Variants in NRG1 observed in about 807,000 individuals in gnomAD.
NRG1 encodes neuregulin 1.
A neutral mutation model predicts 63.8 loss-of-function variants in NRG1; 18 were observed. The ratio of observed to expected loss-of-function variants is 0.28; its 90% CI spans 0.19 to 0.42. The LOEUF (loss-of-function observed/expected upper bound fraction) is 0.42. NRG1 is among the 10% of genes least tolerant of loss of function. NRG1 has a pLI of 1.00. For synonymous variants in NRG1, 302 were observed against 301.3 expected (o/e 1.00, Z -0.02); for missense variants, 762 against 814.7 (o/e 0.94, Z 0.79).
At chr8:32,764,073 G>A (rs371549708) in exon 12 of NRG1, 14 of 1,613,922 alleles carry the variant, frequency 8.7e-6, no homozygotes, top group African/African-American at 1.3e-5. Context: ...CCAAGAGTAC[G>A]AGCCAGCCCA....
intron 1 of NRG1, among the ~76,000 whole-genome samples, chr8:32,161,986 T>C (rs1045651228): frequency 1.3e-5 from 2 of 152,168 alleles, no homozygotes; most frequent in Non-Finnish European, 2.9e-5. Context: ...GAAGAGGAAA[T>C]AGATTTGATG....
chr8:31,900,763 G>C (rs1488129440), intron 1 of NRG1, among the ~76,000 whole-genome samples: 1 of 152,104 alleles, frequency 6.6e-6, no homozygotes, highest in Non-Finnish European at 1.5e-5. Flanking sequence ...GACCTACCAA[G>C]CTGTGTATTT....
chr8:32,437,280 C>G (rs1179910597), intron 1 of NRG1, among the ~76,000 whole-genome samples: 1 of 152,096 alleles, frequency 6.6e-6, no homozygotes, highest in African/African-American at 2.4e-5. Flanking sequence ...CTCAGTGTCA[C>G]TCCTGTGTGC....
chr8:32,165,372 G>A (rs1396160335), intron 1 of NRG1, among the ~76,000 whole-genome samples: 1 of 152,044 alleles, frequency 6.6e-6, no homozygotes, highest in Admixed American at 6.6e-5. Context: ...TCAAACTGCT[G>A]GCCTTTAGTG....
At chr8:32,003,333 G>C (rs1482154349) in intron 1 of NRG1, among the ~76,000 whole-genome samples, 1 of 152,040 alleles carries the variant, frequency 6.6e-6, no homozygotes, top group Non-Finnish European at 1.5e-5. Flanking sequence ...CAATCAATTT[G>C]TTCTAATTGA....
At chr8:31,682,278 C>G (rs1808414588) in intron 1 of NRG1, among the ~76,000 whole-genome samples, 3 of 152,132 alleles carry the variant, frequency 2.0e-5, no homozygotes, top group Non-Finnish European at 1.5e-5. Context: ...ACTGAATTCC[C>G]ATCAGCAATG....
chr8:31,923,492 T>A (rs1388704453), intron 1 of NRG1, among the ~76,000 whole-genome samples: 1 of 152,200 alleles, frequency 6.6e-6, no homozygotes, highest in Non-Finnish European at 1.5e-5. Flanking sequence ...AATTGCTTTT[T>A]ATTTCTCTTT....
chr8:32,314,881 C>G (rs1462836988), intron 1 of NRG1, among the ~76,000 whole-genome samples: 1 of 152,182 alleles, frequency 6.6e-6, no homozygotes, highest in Non-Finnish European at 1.5e-5. Context: ...ACTGTCCTCT[C>G]TGTTCTCAGC....
chr8:32,705,658 A>G (rs1026848906), intron 5 of NRG1, among the ~76,000 whole-genome samples: 14 of 152,186 alleles, frequency 9.2e-5, no homozygotes, highest in Non-Finnish European at 4.4e-5. Context: ...TAAGACTTAG[A>G]TGTAGCACTT....
At chr8:31,921,755 A>G (rs1352880087) in intron 1 of NRG1, among the ~76,000 whole-genome samples, 1 of 152,180 alleles carries the variant, frequency 6.6e-6, no homozygotes, top group African/African-American at 2.4e-5. Flanking sequence ...GTTGAGCACT[A>G]AAATATGATT....
chr8:32,199,966 A>C (rs1843337621), intron 1 of NRG1, among the ~76,000 whole-genome samples: 1 of 152,018 alleles, frequency 6.6e-6, no homozygotes, highest in Non-Finnish European at 1.5e-5. Flanking sequence ...TTTTGTAGAT[A>C]CAGGATTTCA....
rs530376412 is a variant in NRG1 at position 31,662,056 on chromosome 8, C to T, written c.37+22625C>T. Among the ~76,000 whole-genome samples the T allele has an allele frequency of 2.6e-5, 4 of 152,232 alleles. No homozygotes were observed. The East Asian group carries it at 7.7e-4, about 29-fold the overall frequency. Reference sequence around the variant, plus strand: ...TCTATACCCTGACCACACAATGGGCCTCAGGGAGAAGAAGGAACAAGACAA... The same window carrying T: ...TCTATACCCTGACCACACAATGGGCTTCAGGGAGAAGAAGGAACAAGACAA... On this transcript the variant is annotated intron_variant, in intron 1 of 10. Coordinates refer to the NRG1 transcript ENST00000519301.
chr8:31,936,810 A>G (rs1800974397), intron 1 of NRG1, among the ~76,000 whole-genome samples: 1 of 152,204 alleles, frequency 6.6e-6, no homozygotes, highest in Non-Finnish European at 1.5e-5. Context: ...CATACAACCA[A>G]AACAAATCAT....
At chr8:32,282,754 T>A (rs1853029136) in intron 1 of NRG1, among the ~76,000 whole-genome samples, 1 of 152,238 alleles carries the variant, frequency 6.6e-6, no homozygotes, top group African/African-American at 2.4e-5. Context: ...TTAAAGACTT[T>A]ATTTGGTTTT....
At chr8:32,758,087 C>G (rs1829998060) in intron 9 of NRG1, among the ~76,000 whole-genome samples, 1 of 152,094 alleles carries the variant, frequency 6.6e-6, no homozygotes. Flanking sequence ...TTGGATCTCC[C>G]TGAATATATT....
chr8:32,614,455 G>A, intron 3 of NRG1, 59 bp from the exon 4 acceptor site: 5 of 1,540,722 alleles, frequency 3.2e-6, no homozygotes, highest in Non-Finnish European at 4.5e-6. Context: ...GCAGGCTGTG[G>A]TACCTGCTCC....
intron 1 of NRG1, among the ~76,000 whole-genome samples, chr8:32,233,596 C>T (rs1847233206): frequency 7.5e-6 from 1 of 133,922 alleles, no homozygotes; most frequent in African/African-American, 2.7e-5. Context: ...AACGGTGTCT[C>T]ACTCTGTCAC....
intron 1 of NRG1, among the ~76,000 whole-genome samples, chr8:32,453,000 C>A (rs528903949): frequency 6.6e-6 from 1 of 152,240 alleles, no homozygotes; most frequent in African/African-American, 2.4e-5. Flanking sequence ...TGCCACTCTC[C>A]ATTGATGTCT....
At chr8:32,349,770 T>C (rs527828015) in intron 1 of NRG1, among the ~76,000 whole-genome samples, 1 of 152,254 alleles carries the variant, frequency 6.6e-6, no homozygotes, top group African/African-American at 2.4e-5. Flanking sequence ...CCTAACTGAC[T>C]CTATGGTAGG....
Sources: allele counts gnomAD v4.1 joint callset (sites outside exome capture counted in the v4.1 genomes callset), GRCh38; gene constraint gnomAD v4.1.1; transcripts MANE v1.5; gene names NCBI Gene and HGNC (gene_info 2026-07-23, HGNC 2026-07-21).